ROBO2: variants seen among roughly 807,000 people sequenced by gnomAD.
The protein encoded by ROBO2 is roundabout guidance receptor 2.
A neutral mutation model predicts 160.8 loss-of-function variants in ROBO2; 53 were observed. The ratio of observed to expected loss-of-function variants is 0.33; its 90% CI spans 0.26 to 0.41. The LOEUF (loss-of-function observed/expected upper bound fraction) is 0.41, where lower values mean the gene tolerates loss of function less well. Ranked by LOEUF, ROBO2 falls within the 10% of genes least tolerant of loss-of-function variation. ROBO2 has a pLI of 1.00. For missense variants in ROBO2, 1,577 were observed against 1,722.4 expected, an observed-to-expected ratio of 0.92 and a Z score of 1.49; for synonymous variants, 664 against 611.7, an observed-to-expected ratio of 1.09 and a Z score of -1.26.
At chr3:77,289,225 T>C (rs1423140252) in intron 2 of ROBO2, among the ~76,000 whole-genome samples, 1 of 152,180 alleles carries the variant, frequency 6.6e-6, no homozygotes, top group Non-Finnish European at 1.5e-5. Flanking sequence ...TAGCAGTTTT[T>C]AGCCAGATTG....
At chr3:77,453,582 T>C (rs1268261235) in intron 2 of ROBO2, among the ~76,000 whole-genome samples, 2 of 152,112 alleles carry the variant, frequency 1.3e-5, no homozygotes, top group Non-Finnish European at 2.9e-5. Context: ...GACTTTTTCC[T>C]TTGTCAAGCA....
intron 2 of ROBO2, among the ~76,000 whole-genome samples, chr3:76,293,089 G>A (rs576237269): frequency 6.6e-6 from 1 of 151,872 alleles, no homozygotes; most frequent in East Asian, 1.9e-4. Flanking sequence ...AAATTCTGAA[G>A]TATTATAGTT....
At chr3:76,731,667 G>C (rs766230550) in intron 2 of ROBO2, among the ~76,000 whole-genome samples, 30 of 152,238 alleles carry the variant, frequency 2.0e-4, no homozygotes, top group Non-Finnish European at 2.8e-4. Flanking sequence ...CAGAAACATA[G>C]AAAGAACTCT....
chr3:76,387,000 T>G (rs1256506419), intron 2 of ROBO2, among the ~76,000 whole-genome samples: 1 of 152,164 alleles, frequency 6.6e-6, no homozygotes, highest in Non-Finnish European at 1.5e-5. Context: ...GCTGAATAAT[T>G]TTATATGATA....
chr3:76,303,359 G>A (rs111412720), intron 2 of ROBO2, among the ~76,000 whole-genome samples: 44,088 of 151,356 alleles, frequency 0.29, 6,736 homozygotes, highest in Non-Finnish European at 0.35. Context: ...GTGTGTGTGT[G>A]TATATATATA....
intron 2 of ROBO2, among the ~76,000 whole-genome samples, chr3:76,561,029 A>T (rs2084154500): frequency 6.7e-6 from 1 of 148,922 alleles, no homozygotes; most frequent in Non-Finnish European, 1.5e-5. Context: ...TATAATGGTG[A>T]TAGTCAAGCT....
At position 76,744,713 on chromosome 3, in the gene ROBO2, C is replaced by T. The variant is rs139336995; in HGVS notation, c.110-353301C>T. On this transcript the variant is annotated intron_variant, in intron 2 of 26. Transcript: ENST00000487694. ...TGGCTTGTAGATAGCCATCTTCTCC[C>T]AGTGTCTTCAGAGGATCTTGAGTTT... Among the ~76,000 whole-genome samples, 464 of 152,144 alleles carry T rather than the reference C, an allele frequency of 3.0e-3. 2 individuals carry two copies. The highest frequency in any genetic ancestry group is 0.01 in the African/African-American group (431 of 41,488).
At chr3:76,343,111 C>T (rs1159704618) in intron 2 of ROBO2, among the ~76,000 whole-genome samples, 1 of 151,872 alleles carries the variant, frequency 6.6e-6, no homozygotes, top group Non-Finnish European at 1.5e-5. Context: ...TTCTCTAGTT[C>T]AGAAATCTAA....
intron 2 of ROBO2, among the ~76,000 whole-genome samples, chr3:75,995,591 C>T (rs2065703806): frequency 6.6e-6 from 1 of 152,088 alleles, no homozygotes; most frequent in South Asian, 2.1e-4. Context: ...GTTGGAGCTC[C>T]CACAGAGAGT....
intron 2 of ROBO2, among the ~76,000 whole-genome samples, chr3:76,791,204 G>A (rs895581063): frequency 6.6e-6 from 1 of 151,726 alleles, no homozygotes; most frequent in Non-Finnish European, 1.5e-5. Flanking sequence ...AGTACAAGTA[G>A]AAAAGAACAT....
intron 2 of ROBO2, among the ~76,000 whole-genome samples, chr3:76,929,075 C>T (rs1190607479): frequency 6.6e-5 from 10 of 152,206 alleles, no homozygotes; most frequent in African/African-American, 2.4e-4. Context: ...GCCTGGCCAA[C>T]ATGGTGAAAC....
chr3:77,320,009 G>C (rs753640228), intron 2 of ROBO2, among the ~76,000 whole-genome samples: 1 of 152,106 alleles, frequency 6.6e-6, no homozygotes. Flanking sequence ...TGAACAATTC[G>C]AAATTTATCA....
intron 2 of ROBO2, among the ~76,000 whole-genome samples, chr3:76,335,178 G>GTTTTTTTTTTTTTTTTTTTTTTTTTTTT (rs34963831): frequency 1.3e-5 from 1 of 77,894 alleles, no homozygotes; most frequent in Non-Finnish European, 2.3e-5. Context: ...TTTCTGTTTT[G>GTTTTTTTTTTTTTTTTTTTTTTTTTTTT]TTTTTTTTTT....
intron 2 of ROBO2, among the ~76,000 whole-genome samples, chr3:76,831,631 T>C (rs2109324493): frequency 6.6e-6 from 1 of 152,322 alleles, no homozygotes; most frequent in South Asian, 2.1e-4. Flanking sequence ...TGGTTTCATA[T>C]TTATACATTT....
chr3:77,527,227 A>G (rs1471396091), intron 6 of ROBO2, among the ~76,000 whole-genome samples, 176 bp from the exon 7 acceptor site: 1 of 151,612 alleles, frequency 6.6e-6, no homozygotes. Context: ...AATTATATTT[A>G]TAACTCTCAA....
At chr3:76,696,000 T>C (rs150192362) in intron 2 of ROBO2, among the ~76,000 whole-genome samples, 73 of 152,308 alleles carry the variant, frequency 4.8e-4, no homozygotes, top group South Asian at 8.3e-4. Context: ...GTTTGGGAAC[T>C]ATAGTTACAT....
chr3:76,280,408 C>T (rs1708168341), intron 2 of ROBO2, among the ~76,000 whole-genome samples: 1 of 151,984 alleles, frequency 6.6e-6, no homozygotes, highest in African/African-American at 2.4e-5. Context: ...GGAGGTGTGT[C>T]TCTCTTTCCC....
At chr3:76,309,203 CATTTAA>C (rs1214436500) in intron 2 of ROBO2, among the ~76,000 whole-genome samples, 1 of 152,080 alleles carries the variant, frequency 6.6e-6, no homozygotes, top group Non-Finnish European at 1.5e-5. Context: ...TGTTTACTTG[CATTTAA>C]AGAGAGAGGA....
chr3:77,212,881 T>G (rs919483953), intron 2 of ROBO2, among the ~76,000 whole-genome samples: 1 of 152,218 alleles, frequency 6.6e-6, no homozygotes, highest in African/African-American at 2.4e-5. Flanking sequence ...TTACGTTTAT[T>G]GATTTGCATA....
Sources: gnomAD v4.1 joint callset for allele counts (sites outside exome capture counted in the v4.1 genomes callset) on GRCh38, gnomAD v4.1.1 for gene constraint, MANE v1.5 for transcripts, NCBI Gene and HGNC (gene_info 2026-07-23, HGNC 2026-07-21) for gene names.